The following AP1S2 variants were observed in gnomAD, a reference collection of about 807,000 sequenced individuals.
The protein encoded by AP1S2 is adaptor related protein complex 1 subunit sigma 2.
AP1S2 carries 1 observed loss-of-function variant against 14.3 expected under a neutral mutation model. The ratio of observed to expected loss-of-function variants is 0.07; its 90% CI spans 0.02 to 0.33. The LOEUF is 0.33. AP1S2 is among the 10% of genes least tolerant of loss of function. AP1S2 has a pLI of 0.99. For synonymous variants in AP1S2, 30 were observed against 40.5 expected (o/e 0.74, Z 0.99); for missense variants, 30 against 117.7 (o/e 0.25, Z 3.45).
intron 4 of AP1S2, chrX:15,833,299 A>G (rs1007187796): frequency 1.7e-5 from 15 of 875,495 alleles, no homozygotes; most frequent in African/African-American, 4.3e-5. Flanking sequence ...TACAGGAACA[A>G]TTCTCAATGT....
chrX:15,852,079 T>C (rs1312985515), intron 2 of AP1S2, among the ~76,000 whole-genome samples: 2 of 112,496 alleles, frequency 1.8e-5, no homozygotes, highest in Admixed American at 9.4e-5. Flanking sequence ...ATTAAACTCT[T>C]CTATAAAGAT....
At position 15,827,026 on chromosome X, in the gene AP1S2, T is replaced by C. The variant is rs1459523478; in HGVS notation, c.*299A>G. The C allele has an allele frequency of 3.4e-6, 1 of 297,631 alleles. No individual in the cohort carries two copies. The highest frequency in any genetic ancestry group is 5.9e-6 in the Non-Finnish European group (1 of 168,130). The allele number at this position is 297,631 out of a possible 1,213,427, so 24.5% of individuals were successfully genotyped here. On this transcript the variant is annotated 3_prime_UTR_variant, in exon 6 of 6. Transcript: ENST00000672987. ...TATACTGCCTGATTTTACATGTATATGATGTGCCATTTTCATATGTGCACA... is the reference window on the plus strand; with the variant it reads ...TATACTGCCTGATTTTACATGTATACGATGTGCCATTTTCATATGTGCACA...
At chrX:15,828,094 T>G in intron 5 of AP1S2, 98 bp downstream of exon 5, 1 of 612,947 alleles carries the variant, frequency 1.6e-6, no homozygotes. Flanking sequence ...AGGCCAACTT[T>G]CAGGTATTAC....
chrX:15,830,415 T>C, intron 4 of AP1S2: 1 of 750,721 alleles, frequency 1.3e-6, no homozygotes, highest in Non-Finnish European at 1.6e-6. Context: ...AAATCTTATC[T>C]GTGTACCTGC....
At position 15,826,509 on chromosome X, in the gene AP1S2, CACGTTT is replaced by C. The variant is rs1933264836; in HGVS notation, c.*810_*815del. ...ACACATAATACTGTGAAGAGAGCAA[CACGTTT>C]TTTGTAAGATACTGTTATGAAGAAT... is the stretch of plus-strand genomic sequence containing the variant. On this transcript the variant is annotated 3_prime_UTR_variant, in exon 6 of 6. Transcript: ENST00000672987. 9.0e-6 allele frequency: 1 copy of C among 111,667 alleles called. No individual in the cohort carries two copies. Among genetic ancestry groups the C allele is most frequent in the African/African-American group, 3.3e-5 (1 of 30,710 alleles). The allele number at this position is 111,667 out of a possible 1,213,427, so 9.2% of individuals were successfully genotyped here. A position where few individuals can be genotyped will look rare whatever the true frequency, so the allele number is the denominator to read the frequency against.
At chrX:15,830,199 T>G (rs1168076257) in intron 4 of AP1S2, 1 of 750,696 alleles carries the variant, frequency 1.3e-6, no homozygotes, top group African/African-American at 2.3e-5. Context: ...CAAACAGGCA[T>G]GAGACAATGC....
chrX:15,845,596 A>T, intron 3 of AP1S2, 80 bp from the exon 4 acceptor site: 1 of 1,113,309 alleles, frequency 9.0e-7, no homozygotes, highest in Non-Finnish European at 1.2e-6. Context: ...ATTCACTATC[A>T]GGTAGTGAAT....
chrX:15,827,847 G>A (rs746487070), intron 5 of AP1S2, among the ~76,000 whole-genome samples: 9 of 110,989 alleles, frequency 8.1e-5, no homozygotes, highest in Non-Finnish European at 1.3e-4. Flanking sequence ...TGTCCACAGC[G>A]GCAAGTCTTC....
intron 1 of AP1S2, among the ~76,000 whole-genome samples, chrX:15,853,873 G>A (rs1934248850): frequency 9.0e-6 from 1 of 111,240 alleles, no homozygotes; most frequent in Admixed American, 9.5e-5. Flanking sequence ...GGGGCAGGAA[G>A]TGAAGCATCA....
chrX:15,848,890 A>G (rs1934081072), intron 2 of AP1S2, among the ~76,000 whole-genome samples: 1 of 112,460 alleles, frequency 8.9e-6, no homozygotes, highest in Non-Finnish European at 1.9e-5. Context: ...ACCCACTGGT[A>G]TGTCATTAAA....
At chrX:15,840,651 A>G (rs1933800264) in intron 4 of AP1S2, 3 of 684,349 alleles carry the variant, frequency 4.4e-6, no homozygotes, top group African/African-American at 2.3e-5. Context: ...AAAAAAAGCC[A>G]TACTATTATT....
intron 4 of AP1S2, among the ~76,000 whole-genome samples, chrX:15,835,824 T>C (rs1329444376): frequency 9.0e-6 from 1 of 111,393 alleles, no homozygotes; most frequent in Non-Finnish European, 1.9e-5. Flanking sequence ...AATACATGCT[T>C]GTTTTTACAC....
In AP1S2 at chrX:15,827,085, T is replaced by C; in HGVS notation, c.*240A>G. ...TTAAGAGAAACTGACCTTTAAACTTTAAAATATCCAGAAAAGGTATCTCTT... is the reference window on the plus strand; with the variant it reads ...TTAAGAGAAACTGACCTTTAAACTTCAAAATATCCAGAAAAGGTATCTCTT... On this transcript the variant is annotated 3_prime_UTR_variant, in exon 6 of 6. Coordinates refer to ENST00000672987, the MANE Select transcript of AP1S2 (RefSeq NM_001272071.2). 1 of 400,659 alleles carries C rather than the reference T, an allele frequency of 2.5e-6. No individual in the cohort carries two copies. The highest frequency in any genetic ancestry group is 3.8e-5 in the South Asian group (1 of 25,983). 33.0% of individuals were successfully genotyped at this position (400,659 alleles called of 1,213,427 possible). A position where few individuals can be genotyped will look rare whatever the true frequency, so the allele number is the denominator to read the frequency against.
intron 4 of AP1S2, chrX:15,832,535 A>G: frequency 1.3e-6 from 1 of 751,410 alleles, no homozygotes; most frequent in Non-Finnish European, 1.6e-6. Context: ...CCCCCAACTC[A>G]GAATATAGTG....
chrX:15,839,221 A>G (rs1268670687), intron 4 of AP1S2, among the ~76,000 whole-genome samples: 2 of 112,115 alleles, frequency 1.8e-5, no homozygotes, highest in Non-Finnish European at 3.8e-5. Flanking sequence ...CGCTGGCAAT[A>G]AAAGACTATA....
chrX:15,829,902 T>TAACA (rs1205873199), intron 4 of AP1S2, among the ~76,000 whole-genome samples: 3 of 111,602 alleles, frequency 2.7e-5, no homozygotes, highest in Non-Finnish European at 3.8e-5. Flanking sequence ...TAAACTTAAC[T>TAACA]AACACAACTG....
chrX:15,833,545 T>A, intron 4 of AP1S2: 2 of 793,068 alleles, frequency 2.5e-6, no homozygotes, highest in Non-Finnish European at 3.1e-6. Flanking sequence ...CAAAAATAAA[T>A]GTATTATTTT....
In AP1S2 at chrX:15,845,153, T is replaced by C. The variant is rs3788929; in HGVS notation, c.426+226A>G. On this transcript the variant is annotated intron_variant, in intron 4 of 5. Transcript: ENST00000672987. ...GTGTTTTAGGGTCCAAAAAGGGCCATTGGGAAGAGGCCTGACCGATAGACC... is the reference window on the plus strand; with the variant it reads ...GTGTTTTAGGGTCCAAAAAGGGCCACTGGGAAGAGGCCTGACCGATAGACC... 185,334 of 751,502 alleles carry C rather than the reference T, an allele frequency of 0.25. 16,114 individuals carry two copies. The highest frequency in any genetic ancestry group is 0.35 in the East Asian group (2,268 of 6,528). 61.9% of individuals were successfully genotyped at this position (751,502 alleles called of 1,213,427 possible).
chrX:15,848,265 C>T (rs1934060015), intron 2 of AP1S2, among the ~76,000 whole-genome samples: 1 of 111,610 alleles, frequency 9.0e-6, no homozygotes, highest in African/African-American at 3.3e-5. Context: ...ACTGAATCCT[C>T]GCCCTACATG....
Sources: allele counts gnomAD v4.1 joint callset (sites outside exome capture counted in the v4.1 genomes callset), GRCh38; gene constraint gnomAD v4.1.1; transcripts MANE v1.5; gene names NCBI Gene and HGNC (gene_info 2026-07-23, HGNC 2026-07-21).